EXOC2: variants seen among roughly 807,000 people sequenced by gnomAD.
The protein encoded by EXOC2 is exocyst complex component 2, also known as SEC5-like 1.
In EXOC2, 70 loss-of-function variants were observed where a neutral mutation model predicts 131.8. The ratio of observed to expected loss-of-function variants is 0.53; its 90% CI spans 0.44 to 0.65. EXOC2 has a LOEUF of 0.65. Among genes scored for constraint, EXOC2 ranks in the 30% least tolerant of loss-of-function variants. The pLI is 0.00. For synonymous variants in EXOC2, 411 were observed against 398.4 expected (o/e 1.03, Z -0.38); for missense variants, 923 against 1,108.6 (o/e 0.83, Z 2.38).
At chr6:495,230 AT>A (rs1451408661) in intron 25 of EXOC2, among the ~76,000 whole-genome samples, 1 of 148,798 alleles carries the variant, frequency 6.7e-6, no homozygotes, top group Non-Finnish European at 1.5e-5. Context: ...GGTTCACGCC[AT>A]TCTCCTGCCT....
At chr6:514,877 G>C (rs1218589893) in intron 23 of EXOC2, among the ~76,000 whole-genome samples, 2 of 152,214 alleles carry the variant, frequency 1.3e-5, no homozygotes, top group African/African-American at 4.8e-5. Flanking sequence ...AGCCAGGGAG[G>C]CAGGGCCCTC....
At chr6:657,051 G>T (rs1449755642) in intron 1 of EXOC2, 1 of 947,848 alleles carries the variant, frequency 1.1e-6, no homozygotes, top group East Asian at 2.9e-5. Context: ...CCTCCCTCCG[G>T]CCCCCCAGCT....
chr6:597,918 C>G (rs1045473141), intron 10 of EXOC2, 103 bp downstream of exon 10: 2 of 750,966 alleles, frequency 2.7e-6, no homozygotes, highest in Non-Finnish European at 4.3e-6. Context: ...TTCACCATTT[C>G]ATCAATCTCC....
At chr6:673,247 A>G (rs1194133492) in intron 1 of EXOC2, among the ~76,000 whole-genome samples, 4 of 121,026 alleles carry the variant, frequency 3.3e-5, no homozygotes, top group African/African-American at 9.4e-5. Flanking sequence ...GTGAGACTCC[A>G]TAGCCAAAAA....
chr6:526,065 TAA>T (rs1348000929), intron 23 of EXOC2, among the ~76,000 whole-genome samples: 1 of 152,256 alleles, frequency 6.6e-6, no homozygotes, highest in Non-Finnish European at 1.5e-5. Context: ...CTTACTTCTG[TAA>T]AACTTTCCTT....
In EXOC2 at chr6:615,217, G is replaced by A. The variant is rs191803326; in HGVS notation, c.661+2494C>T. 5.0e-3 allele frequency among the ~76,000 whole-genome samples: 762 copies of A among 150,986 alleles called. 5 individuals are homozygous for A. Among genetic ancestry groups the A allele is most frequent in the African/African-American group, 0.017 (718 of 41,274 alleles). ...TGTGTGTGTGTGTGTGTGTATGTAT[G>A]TGTATACATACATATTTATCTATCT... On this transcript the variant is annotated intron_variant, in intron 6 of 27. Transcript: ENST00000230449.
intron 10 of EXOC2, among the ~76,000 whole-genome samples, chr6:593,336 T>C (rs1369116551): frequency 6.6e-6 from 1 of 152,210 alleles, no homozygotes; most frequent in Non-Finnish European, 1.5e-5. Context: ...GAGATGGCAG[T>C]ATGGCACCGC....
rs184708258 is a variant in EXOC2 at position 506,715 on chromosome 6, T to A, written c.2381-7015A>T. Among the ~76,000 whole-genome samples, 2 of 152,140 alleles carry A rather than the reference T, an allele frequency of 1.3e-5. No individual in the cohort carries two copies. Among genetic ancestry groups the A allele is most frequent in the Admixed American group, 6.6e-5 (1 of 15,266 alleles). ...TTAATCTAGTAGCCCCGTGTGGAAA[T>A]TCCCCATGGAGAAAACAAGGCTCAT... On this transcript the variant is annotated intron_variant, in intron 23 of 27. Transcript: ENST00000230449. The surrounding 1 kb of genome is among the most constrained non-coding windows in gnomAD (Gnocchi z 4.4).
intron 11 of EXOC2, among the ~76,000 whole-genome samples, chr6:589,484 T>G (rs988307315): frequency 2.6e-5 from 4 of 152,238 alleles, no homozygotes; most frequent in African/African-American, 7.2e-5. Context: ...AAAACTTCCC[T>G]GGACTTCCCC....
At chr6:665,779 G>T (rs1254692359) in intron 1 of EXOC2, among the ~76,000 whole-genome samples, 1 of 151,904 alleles carries the variant, frequency 6.6e-6, no homozygotes, top group Admixed American at 6.6e-5. Flanking sequence ...GTACTTGGGG[G>T]GAAGAGGGGG....
At chr6:639,335 AG>A (rs1762249312) in intron 1 of EXOC2, among the ~76,000 whole-genome samples, 1 of 127,262 alleles carries the variant, frequency 7.9e-6, no homozygotes, top group Non-Finnish European at 1.7e-5. Context: ...CAGGTGTGCA[AG>A]CCCCTCCTGC....
chr6:689,681 T>C (rs1764827922), intron 1 of EXOC2, among the ~76,000 whole-genome samples: 1 of 152,238 alleles, frequency 6.6e-6, no homozygotes, highest in African/African-American at 2.4e-5. Context: ...CAGGCTAATA[T>C]TATTTGATTT....
At chr6:496,101 ATG>A (rs1317762111) in intron 25 of EXOC2, among the ~76,000 whole-genome samples, 2 of 136,968 alleles carry the variant, frequency 1.5e-5, no homozygotes, top group Non-Finnish European at 1.6e-5. Context: ...CTACTGATTT[ATG>A]AGGAGCGCAG....
chr6:617,668 C>T (rs6939459), intron 6 of EXOC2, 43 bp downstream of exon 6: 64,065 of 1,592,542 alleles, frequency 0.04, 1,673 homozygotes, highest in South Asian at 0.1. Flanking sequence ...GCCGGGTTTC[C>T]ATGGCGGAAG....
chr6:499,592 TTTTC>T, intron 24 of EXOC2, 49 bp downstream of exon 24: 3 of 1,463,408 alleles, frequency 2.1e-6, no homozygotes, highest in Non-Finnish European at 2.8e-6. Context: ...CATCTTTCTT[TTTTC>T]TTTTTTTTGG....
intron 1 of EXOC2, among the ~76,000 whole-genome samples, chr6:655,497 A>G (rs1003336888): frequency 2.0e-5 from 3 of 152,222 alleles, no homozygotes; most frequent in African/African-American, 4.8e-5. Flanking sequence ...AGACATGCCT[A>G]TATTTCCTTG....
rs898987470 is a variant in EXOC2, at chr6:518,699, T to C, written c.2380+13770A>G. On this transcript the variant is annotated intron_variant, in intron 23 of 27. Transcript: ENST00000230449. The stretch of plus-strand genomic sequence containing the variant: ...TGACTCTAATATATCAAACAGCTTA[T>C]AAAGAAGAAGAAAATATCTGAAAAC... Among the ~76,000 whole-genome samples the C allele has an allele frequency of 2.0e-5, 3 of 152,276 alleles. No homozygotes were observed. In the South Asian group the frequency reaches 6.2e-4, roughly 32 times the overall value.
intron 1 of EXOC2, among the ~76,000 whole-genome samples, chr6:672,176 C>T (rs1311900845): frequency 6.6e-6 from 1 of 151,980 alleles, no homozygotes; most frequent in Non-Finnish European, 1.5e-5. Flanking sequence ...ATGTTTCTTC[C>T]AGTTCACTGA....
At chr6:501,968 G>A (rs1032993535) in intron 23 of EXOC2, among the ~76,000 whole-genome samples, 1 of 151,998 alleles carries the variant, frequency 6.6e-6, no homozygotes, top group Non-Finnish European at 1.5e-5. Context: ...CTTTCTTCCC[G>A]CAGGAGGAAA....
Sources: gnomAD v4.1 joint callset for allele counts (sites outside exome capture counted in the v4.1 genomes callset) on GRCh38, gnomAD v4.1.1 for gene constraint, Gnocchi (gnomAD v3.1) non-coding constraint, MANE v1.5 for transcripts, NCBI Gene and HGNC (gene_info 2026-07-23, HGNC 2026-07-21) for gene names.